The following GLIS3 variants were observed in gnomAD, a reference collection of about 807,000 sequenced individuals.
The protein encoded by GLIS3 is GLIS family zinc finger 3, also known as zinc finger protein GLIS3.
In GLIS3, 53 loss-of-function variants were observed where a neutral mutation model predicts 78.6. The ratio of observed to expected loss-of-function variants is 0.67; its 90% CI spans 0.54 to 0.85. The LOEUF is 0.85. GLIS3 is among the 40% of genes least tolerant of loss of function. The pLI, the probability that GLIS3 is intolerant of heterozygous loss-of-function variation, is 0.00. For synonymous variants in GLIS3, 684 were observed against 509.9 expected (o/e 1.34, Z -4.60); for missense variants, 1,703 against 1,231.1 (o/e 1.38, Z -5.74).
chr9:4,182,729 C>G (rs1052856421), intron 2 of GLIS3, among the ~76,000 whole-genome samples: 1 of 152,176 alleles, frequency 6.6e-6, no homozygotes, highest in African/African-American at 2.4e-5. Context: ...TGGCGACTAT[C>G]TTGGAGACTT....
chr9:4,311,001 G>T (rs982579007), intron 2 of GLIS3, among the ~76,000 whole-genome samples: 1 of 152,200 alleles, frequency 6.6e-6, no homozygotes, highest in Non-Finnish European at 1.5e-5. Flanking sequence ...AGGTGTACAG[G>T]ATTTGGAGGG....
intron 8 of GLIS3, among the ~76,000 whole-genome samples, chr9:3,876,746 G>C (rs1821346448): frequency 6.8e-6 from 1 of 146,324 alleles, no homozygotes; most frequent in South Asian, 2.3e-4. Context: ...GTGAATATGA[G>C]TGCCAGGTAC....
At chr9:4,027,042 C>T (rs1823405653) in intron 4 of GLIS3, among the ~76,000 whole-genome samples, 1 of 152,144 alleles carries the variant, frequency 6.6e-6, no homozygotes, top group South Asian at 2.1e-4. Flanking sequence ...AATGGGGATC[C>T]TTTACATGTC....
intron 2 of GLIS3, among the ~76,000 whole-genome samples, chr9:4,210,007 C>T (rs538623028): frequency 4.6e-5 from 7 of 152,286 alleles, no homozygotes; most frequent in African/African-American, 1.7e-4. Context: ...AGATAGGCTG[C>T]ACATTTCAGG....
At chr9:4,001,572 G>T (rs975649276) in intron 4 of GLIS3, among the ~76,000 whole-genome samples, 1 of 152,076 alleles carries the variant, frequency 6.6e-6, no homozygotes, top group African/African-American at 2.4e-5. Flanking sequence ...TTGTAAACGT[G>T]TTTACTTACT....
chr9:3,911,867 A>G (rs893435027), intron 6 of GLIS3, among the ~76,000 whole-genome samples: 1 of 152,170 alleles, frequency 6.6e-6, no homozygotes, highest in Non-Finnish European at 1.5e-5. Context: ...GTGTAGAAGC[A>G]CTGTTATCAC....
At chr9:4,043,866 G>A (rs1359588292) in intron 4 of GLIS3, among the ~76,000 whole-genome samples, 1 of 152,192 alleles carries the variant, frequency 6.6e-6, no homozygotes, top group Non-Finnish European at 1.5e-5. Context: ...TAGTTCTGGA[G>A]AACACAATGC....
At chr9:3,862,078 GTCCAC>G (rs1369393320) in intron 8 of GLIS3, among the ~76,000 whole-genome samples, 1 of 152,108 alleles carries the variant, frequency 6.6e-6, no homozygotes, top group Non-Finnish European at 1.5e-5. Context: ...AGTATCCTGA[GTCCAC>G]AAATTCATAC....
intron 9 of GLIS3, among the ~76,000 whole-genome samples, chr9:3,851,588 C>T (rs1428541352): frequency 6.6e-6 from 1 of 152,130 alleles, no homozygotes; most frequent in African/African-American, 2.4e-5. Context: ...GTGCCTTTTA[C>T]AAAATGCCGC....
At chr9:3,834,799 C>A (rs1167697196) in intron 9 of GLIS3, among the ~76,000 whole-genome samples, 1 of 152,180 alleles carries the variant, frequency 6.6e-6, no homozygotes, top group Non-Finnish European at 1.5e-5. Flanking sequence ...CCTCAACTCC[C>A]AACCCCTCAA....
At chr9:4,439,754 C>A in the GLIS3 span, among the ~76,000 whole-genome samples, 1 of 152,018 alleles carries the variant, frequency 6.6e-6, no homozygotes, top group African/African-American at 2.4e-5. Context: ...TTTCATTTTT[C>A]ATATTTGGGA....
chr9:4,281,309 C>CTT (rs534311225), intron 2 of GLIS3, among the ~76,000 whole-genome samples: 102 of 152,258 alleles, frequency 6.7e-4, no homozygotes, highest in African/African-American at 2.3e-3. Flanking sequence ...TCGTCTTAAT[C>CTT]ATTTGTAAGT....
the GLIS3 span, among the ~76,000 whole-genome samples, chr9:4,376,199 G>T: frequency 0.051 from 7,838 of 152,234 alleles, 295 homozygotes; most frequent in South Asian, 0.11. Flanking sequence ...TGTCCCTGAA[G>T]CAGAGACAAA....
At chr9:4,446,562 T>G in the GLIS3 span, among the ~76,000 whole-genome samples, 1 of 147,266 alleles carries the variant, frequency 6.8e-6, no homozygotes, top group Admixed American at 7.0e-5. Flanking sequence ...CAGGCTTGAG[T>G]GCAGTGGCAT....
chr9:4,093,360 C>A (rs920813827), intron 4 of GLIS3, among the ~76,000 whole-genome samples: 1 of 152,114 alleles, frequency 6.6e-6, no homozygotes, highest in African/African-American at 2.4e-5. Flanking sequence ...CTGAGTAAGG[C>A]CCCCTCTTGC....
intron 9 of GLIS3, among the ~76,000 whole-genome samples, chr9:3,834,469 A>C (rs1588051054): frequency 6.6e-6 from 1 of 152,120 alleles, no homozygotes; most frequent in Non-Finnish European, 1.5e-5. Context: ...CTGACTTTTA[A>C]ATTTTATTGA....
chr9:3,848,251 A>C (rs1819181674), intron 9 of GLIS3, among the ~76,000 whole-genome samples: 1 of 152,242 alleles, frequency 6.6e-6, no homozygotes, highest in Non-Finnish European at 1.5e-5. Context: ...CTGTAATCCC[A>C]GCACTTTGGG....
chr9:3,940,268 C>T (rs1815778250), intron 4 of GLIS3, among the ~76,000 whole-genome samples: 1 of 152,088 alleles, frequency 6.6e-6, no homozygotes, highest in Non-Finnish European at 1.5e-5. Flanking sequence ...TGCCTTTTAT[C>T]CTTCTTATTT....
At chr9:4,477,576 G>C in the GLIS3 span, among the ~76,000 whole-genome samples, 1 of 152,014 alleles carries the variant, frequency 6.6e-6, no homozygotes, top group Admixed American at 6.6e-5. Flanking sequence ...ACCACACCCA[G>C]CTAATTTTTG....
Sources: allele counts gnomAD v4.1 joint callset (sites outside exome capture counted in the v4.1 genomes callset), GRCh38; gene constraint gnomAD v4.1.1; transcripts MANE v1.5; gene names NCBI Gene and HGNC (gene_info 2026-07-23, HGNC 2026-07-21).